The following PRSS55 variants were observed in gnomAD, a reference collection of about 807,000 sequenced individuals.
The protein encoded by PRSS55 is probable serine protease UNQ9391/PRO34284.
Under a neutral mutation model 23.6 loss-of-function variants are expected in PRSS55, and 41 were observed. The ratio of observed to expected loss-of-function variants is 1.74; its 90% CI spans 1.35 to 2.26. PRSS55 has a LOEUF of 2.26. Among genes scored for constraint, PRSS55 ranks in the 30% most tolerant of loss-of-function variants. PRSS55 has a pLI of 0.00. For synonymous variants in PRSS55, 262 were observed against 175.5 expected, an observed-to-expected ratio of 1.49 and a Z score of -3.90; for missense variants, 669 against 439.1, an observed-to-expected ratio of 1.52 and a Z score of -4.68.
intron 4 of PRSS55, among the ~76,000 whole-genome samples, chr8:10,534,256 A>G (rs1812377598): frequency 6.6e-6 from 1 of 152,232 alleles, no homozygotes; most frequent in South Asian, 2.1e-4. Flanking sequence ...GTAAAATAAA[A>G]ACAAAAAGGC....
At chr8:10,548,960 G>A (rs1372498067) in intron 4 of PRSS55, among the ~76,000 whole-genome samples, 2 of 152,212 alleles carry the variant, frequency 1.3e-5, no homozygotes, top group African/African-American at 4.8e-5. Flanking sequence ...CCCACTGTGT[G>A]TCTTATCGGA....
intron 1 of PRSS55, among the ~76,000 whole-genome samples, chr8:10,527,931 G>A (rs1221100200): frequency 6.6e-6 from 1 of 152,022 alleles, no homozygotes; most frequent in Middle Eastern, 3.2e-3. Context: ...GTACCGAATA[G>A]GCCGGGCATG....
chr8:10,542,419 G>GGGAAAAAA (rs60800512), downstream of PRSS55, among the ~76,000 whole-genome samples: 2 of 133,494 alleles, frequency 1.5e-5, no homozygotes. Flanking sequence ...CCATGCGGGG[G>GGGAAAAAA]AAAAAAAAAA....
At chr8:10,542,896 A>C (rs979234081), downstream of PRSS55, among the ~76,000 whole-genome samples, 626 of 129,610 alleles carry the variant, frequency 4.8e-3, no homozygotes, top group South Asian at 0.014. Context: ...AAAAAAAAAA[A>C]AGACAACCTC....
chr8:10,529,726 A>C, intron 2 of PRSS55, 27 bp downstream of exon 2: 2 of 1,596,214 alleles, frequency 1.3e-6, no homozygotes, highest in Non-Finnish European at 8.6e-7. Context: ...TCCCACTGCC[A>C]CCTCTCAGGG....
intron 4 of PRSS55, among the ~76,000 whole-genome samples, chr8:10,534,654 A>G (rs1812393585): frequency 6.6e-6 from 1 of 152,258 alleles, no homozygotes; most frequent in African/African-American, 2.4e-5. Flanking sequence ...CAGGACCAGA[A>G]CAACACAATG....
At chr8:10,535,685 C>T (rs1374298186) in intron 4 of PRSS55, among the ~76,000 whole-genome samples, 30 of 152,174 alleles carry the variant, frequency 2.0e-4, no homozygotes, top group Non-Finnish European at 1.2e-4. Flanking sequence ...GAGGAAGTCT[C>T]CAAAAGCAAT....
chr8:10,551,082 G>A (rs1470153759), intron 4 of PRSS55, among the ~76,000 whole-genome samples: 1 of 152,224 alleles, frequency 6.6e-6, no homozygotes, highest in Non-Finnish European at 1.5e-5. Context: ...TCCTGCAAGT[G>A]ATGAGCTTTG....
intron 2 of PRSS55, among the ~76,000 whole-genome samples, chr8:10,530,161 G>A (rs1812198804): frequency 6.6e-6 from 1 of 152,182 alleles, no homozygotes; most frequent in Non-Finnish European, 1.5e-5. Flanking sequence ...ATGTGCTGGG[G>A]ACCCTGCTAA....
chr8:10,539,889 T>A (rs547368289), downstream of PRSS55, among the ~76,000 whole-genome samples: 1 of 152,224 alleles, frequency 6.6e-6, no homozygotes, highest in East Asian at 1.9e-4. Context: ...CAAAATCACC[T>A]TTTTTCCATT....
chr8:10,554,050 T>A lies in PRSS55; in HGVS notation c.*18T>A, dbSNP rs1332851471. 3.3e-6 allele frequency: 5 copies of A among 1,499,640 alleles called. No individual in the cohort carries two copies. The East Asian group carries it at 9.8e-5, about 30-fold the overall frequency. 92.9% of individuals were successfully genotyped at this position (1,499,640 alleles called of 1,614,324 possible). A position where few individuals can be genotyped will look rare whatever the true frequency, so the allele number is the denominator to read the frequency against. The stretch of plus-strand genomic sequence containing the variant: ...AAAACTGATGCTTTGCTCTTTCTTC[T>A]ACATGGAGCCATTTTTGGGGCAGAA... On this transcript the variant is annotated 3_prime_UTR_variant, in exon 5 of 5. Transcript: ENST00000522210.
downstream of PRSS55, chr8:10,538,907 G>C: frequency 9.4e-7 from 1 of 1,059,032 alleles, no homozygotes; most frequent in South Asian, 1.7e-5. Flanking sequence ...CTGGGACCAG[G>C]AGGACCAGAG....
At chr8:10,549,292 G>A (rs1812899059) in intron 4 of PRSS55, among the ~76,000 whole-genome samples, 1 of 152,206 alleles carries the variant, frequency 6.6e-6, no homozygotes, top group Non-Finnish European at 1.5e-5. Flanking sequence ...CAAGAGTGAT[G>A]TAATCCAATC....
At chr8:10,550,033 C>T (rs1188023798) in intron 4 of PRSS55, among the ~76,000 whole-genome samples, 1 of 152,202 alleles carries the variant, frequency 6.6e-6, no homozygotes, top group East Asian at 1.9e-4. Context: ...GATTCTCCTG[C>T]CTCAGCCTCC....
Position 10,525,561 on chromosome 8 carries a change from C to A in PRSS55, c.-25C>A. 6.2e-7 allele frequency: 1 copy of A among 1,604,796 alleles called. No homozygotes were observed. The highest frequency in any genetic ancestry group is 8.5e-7 in the Non-Finnish European group (1 of 1,173,446). On this transcript the variant is annotated 5_prime_UTR_variant, in exon 1 of 5. Coordinates refer to ENST00000328655, the MANE Select transcript of PRSS55 (RefSeq NM_198464.4). ...CCTCAGCCCTGGCCTCTGTCACCCC[C>A]GGGCCCACAGCACAGCCCAGGGCCA... is the stretch of plus-strand genomic sequence containing the variant.
At chr8:10,530,926 T>G (rs1270152745) in intron 2 of PRSS55, among the ~76,000 whole-genome samples, 1 of 152,146 alleles carries the variant, frequency 6.6e-6, no homozygotes, top group Non-Finnish European at 1.5e-5. Context: ...ACAGATATAA[T>G]AATGAATGCC....
intron 4 of PRSS55, among the ~76,000 whole-genome samples, chr8:10,549,473 G>A (rs180999583): frequency 3.3e-5 from 5 of 152,342 alleles, no homozygotes; most frequent in Admixed American, 2.0e-4. Context: ...GGCTGGGTAC[G>A]GGGCTAAGCC....
At chr8:10,546,360 C>T (rs1812817895) in intron 4 of PRSS55, among the ~76,000 whole-genome samples, 1 of 152,178 alleles carries the variant, frequency 6.6e-6, no homozygotes. Flanking sequence ...TTGCCACAGA[C>T]CCCTATAACC....
At chr8:10,525,829 A>T in intron 1 of PRSS55, 90 bp downstream of exon 1, 1 of 1,376,174 alleles carries the variant, frequency 7.3e-7, no homozygotes. Context: ...ACAAGGCCAG[A>T]GCTCCAGGGC....
Sources: gnomAD v4.1 joint callset for allele counts (sites outside exome capture counted in the v4.1 genomes callset) on GRCh38, gnomAD v4.1.1 for gene constraint, MANE v1.5 for transcripts, NCBI Gene and HGNC (gene_info 2026-07-23, HGNC 2026-07-21) for gene names.